The following SOX5 variants were observed in gnomAD, a reference collection of about 807,000 sequenced individuals.
SOX5 encodes SRY-box transcription factor 5.
SOX5 carries 9 observed loss-of-function variants against 92.0 expected under a neutral mutation model. The observed-to-expected ratio is 0.10, with a 90% CI of 0.06 to 0.17. The LOEUF (loss-of-function observed/expected upper bound fraction) is 0.17. SOX5 is among the 10% of genes least tolerant of loss of function. SOX5 has a pLI of 1.00. For synonymous variants in SOX5, 344 were observed against 336.3 expected (o/e 1.02, Z -0.25); for missense variants, 642 against 944.5 (o/e 0.68, Z 4.20).
At chr12:23,690,654 T>A (rs763874765) in intron 6 of SOX5, among the ~76,000 whole-genome samples, 1 of 152,154 alleles carries the variant, frequency 6.6e-6, no homozygotes, top group Non-Finnish European at 1.5e-5. Context: ...CAACATCCTA[T>A]CCAGAGTATG....
intron 4 of SOX5, among the ~76,000 whole-genome samples, chr12:24,110,009 T>C (rs1357900445): frequency 1.3e-5 from 2 of 152,222 alleles, no homozygotes; most frequent in Non-Finnish European, 2.9e-5. Flanking sequence ...GGTTTCAACA[T>C]GAATTTTGGA....
At chr12:24,081,459 G>A (rs1248492038) in intron 4 of SOX5, among the ~76,000 whole-genome samples, 1 of 151,954 alleles carries the variant, frequency 6.6e-6, no homozygotes, top group Non-Finnish European at 1.5e-5. Context: ...ATTGCTAACA[G>A]TAGCTGTAAA....
At chr12:24,109,979 C>A (rs772992044) in intron 4 of SOX5, among the ~76,000 whole-genome samples, 9 of 152,134 alleles carry the variant, frequency 5.9e-5, no homozygotes, top group Non-Finnish European at 1.3e-4. Flanking sequence ...TCTGATGACA[C>A]ATTGTTAGAA....
intron 9 of SOX5, among the ~76,000 whole-genome samples, chr12:23,597,924 C>A (rs1952735155): frequency 6.6e-6 from 1 of 152,116 alleles, no homozygotes; most frequent in Admixed American, 6.5e-5. Flanking sequence ...GAGGCTAATA[C>A]CCCTTTCTGT....
intron 2 of SOX5, among the ~76,000 whole-genome samples, chr12:24,313,624 C>T (rs1320721876): frequency 6.6e-6 from 1 of 152,208 alleles, no homozygotes; most frequent in African/African-American, 2.4e-5. Flanking sequence ...ATCACTCGTG[C>T]TCCTTGTTTC....
intron 2 of SOX5, chr12:24,331,443 T>G (rs942847586): frequency 3.3e-5 from 5 of 152,108 alleles, no homozygotes; most frequent in Non-Finnish European, 4.4e-5. Context: ...AATTTATTAG[T>G]AGAAAGGAAG....
At chr12:23,797,087 T>G (rs2095577468) in intron 3 of SOX5, among the ~76,000 whole-genome samples, 1 of 151,734 alleles carries the variant, frequency 6.6e-6, no homozygotes, top group Admixed American at 6.6e-5. Flanking sequence ...AAAGTAGCCT[T>G]AATTAACACT....
intron 2 of SOX5, among the ~76,000 whole-genome samples, chr12:24,288,939 G>GC (rs72009105): frequency 2.6e-5 from 4 of 152,058 alleles, no homozygotes; most frequent in Non-Finnish European, 4.4e-5. Context: ...TCTCATGATG[G>GC]GAGGTATCTT....
At chr12:23,675,340 G>A (rs1481007228) in intron 6 of SOX5, among the ~76,000 whole-genome samples, 1 of 152,096 alleles carries the variant, frequency 6.6e-6, no homozygotes, top group African/African-American at 2.4e-5. Context: ...TCCTCAGAGT[G>A]CAGACTGCAC....
At chr12:24,332,882 A>T (rs762626842) in intron 2 of SOX5, among the ~76,000 whole-genome samples, 1 of 152,134 alleles carries the variant, frequency 6.6e-6, no homozygotes, top group Non-Finnish European at 1.5e-5. Context: ...ACAGAAAATA[A>T]ACATTGTAAA....
chr12:23,703,143 A>G (rs2090903709), intron 6 of SOX5, among the ~76,000 whole-genome samples: 1 of 152,112 alleles, frequency 6.6e-6, no homozygotes, highest in African/African-American at 2.4e-5. Flanking sequence ...ATAAGTGCCA[A>G]TAATTAGCAT....
intron 7 of SOX5, among the ~76,000 whole-genome samples, chr12:23,654,282 T>G (rs562712823): frequency 6.6e-6 from 1 of 152,208 alleles, no homozygotes; most frequent in South Asian, 2.1e-4. Context: ...TTTTATAATA[T>G]TCCATAATTT....
chr12:24,125,493 A>G (rs1949024785), intron 4 of SOX5, among the ~76,000 whole-genome samples: 1 of 152,198 alleles, frequency 6.6e-6, no homozygotes, highest in African/African-American at 2.4e-5. Flanking sequence ...CAAGCATGAA[A>G]TAACATCTTG....
intron 2 of SOX5, among the ~76,000 whole-genome samples, chr12:23,863,250 C>T (rs2096775551): frequency 6.6e-6 from 1 of 152,118 alleles, no homozygotes; most frequent in African/African-American, 2.4e-5. Context: ...TATTACAATG[C>T]TCTTTATCAT....
chr12:23,761,827 G>A (rs758336353), intron 3 of SOX5, among the ~76,000 whole-genome samples: 1 of 152,000 alleles, frequency 6.6e-6, no homozygotes, highest in Non-Finnish European at 1.5e-5. Flanking sequence ...TTTAAATTAG[G>A]TACTGTTAAC....
chr12:23,791,410 T>A (rs1473648151), intron 3 of SOX5, among the ~76,000 whole-genome samples: 1 of 152,184 alleles, frequency 6.6e-6, no homozygotes, highest in Non-Finnish European at 1.5e-5. Context: ...CAAGGGATCC[T>A]CCTGCCTCAG....
chr12:24,045,336 C>T (rs995853338), intron 4 of SOX5, among the ~76,000 whole-genome samples: 5 of 152,134 alleles, frequency 3.3e-5, no homozygotes, highest in East Asian at 1.9e-4. Flanking sequence ...AGCATCTGTA[C>T]GTATTAGGTA....
chr12:24,217,623 A>G (rs1843997545), intron 3 of SOX5, among the ~76,000 whole-genome samples: 1 of 152,222 alleles, frequency 6.6e-6, no homozygotes, highest in Admixed American at 6.5e-5. Context: ...GTCAAGCAAC[A>G]AAAGAAATAA....
intron 6 of SOX5, among the ~76,000 whole-genome samples, chr12:23,724,614 T>G (rs2093013484): frequency 6.6e-6 from 1 of 152,224 alleles, no homozygotes; most frequent in Non-Finnish European, 1.5e-5. Context: ...GAGATTTATG[T>G]ACCTTAAACT....
Sources: gnomAD v4.1 joint callset for allele counts (sites outside exome capture counted in the v4.1 genomes callset) on GRCh38, gnomAD v4.1.1 for gene constraint, MANE v1.5 for transcripts, NCBI Gene and HGNC (gene_info 2026-07-23, HGNC 2026-07-21) for gene names.